CENPO: variants seen among roughly 807,000 people sequenced by gnomAD.
CENPO encodes the protein centromere protein O, also known as centromeric protein O.
A neutral mutation model predicts 36.1 loss-of-function variants in CENPO; 30 were observed. That is an observed-to-expected ratio of 0.83 (90% CI 0.62 to 1.13). CENPO has a LOEUF of 1.13. Among genes scored for constraint, CENPO ranks in the 50% most tolerant of loss-of-function variants. CENPO has a pLI of 0.00. For missense variants in CENPO, 349 were observed against 357.8 expected, an observed-to-expected ratio of 0.98 and a Z score of 0.20; for synonymous variants, 171 against 142.3, an observed-to-expected ratio of 1.20 and a Z score of -1.44.
chr2:24,804,468 T>C (rs1468941532), intron 3 of CENPO, among the ~76,000 whole-genome samples: 1 of 152,150 alleles, frequency 6.6e-6, no homozygotes, highest in Non-Finnish European at 1.5e-5. Context: ...CTGGTACCGG[T>C]TGTTCCTTTC....
In CENPO at chr2:24,822,314, T is replaced by G. The variant is rs1265803659; in HGVS notation, c.*2996T>G. On this transcript the variant is annotated 3_prime_UTR_variant, in exon 8 of 8. Coordinates refer to ENST00000380834, the MANE Select transcript of CENPO (RefSeq NM_001322101.2). ...GCCTGAGCTGTGAACAGCAGGGGGT[T>G]GTGTGTCTGTTCTGTTTCTCTGCTT... The G allele has an allele frequency of 2.9e-6, 2 of 693,870 alleles. No homozygotes were observed. Among genetic ancestry groups the G allele is most frequent in the Non-Finnish European group, 4.6e-6 (2 of 430,358 alleles). The allele number at this position is 693,870 out of a possible 1,614,324, so 43.0% of individuals were successfully genotyped here.
chr2:24,797,317 T>C (rs1412555042), intron 2 of CENPO, among the ~76,000 whole-genome samples: 1 of 152,198 alleles, frequency 6.6e-6, no homozygotes, highest in Non-Finnish European at 1.5e-5. Flanking sequence ...ATGAATTCAG[T>C]CTTGGACATG....
At chr2:24,798,697 T>C (rs1358001598) in intron 2 of CENPO, among the ~76,000 whole-genome samples, 1 of 152,112 alleles carries the variant, frequency 6.6e-6, no homozygotes, top group Non-Finnish European at 1.5e-5. Context: ...CCCGACCTCG[T>C]GATCCACCCG....
chr2:24,800,388 C>G (rs2148257187), intron 3 of CENPO, among the ~76,000 whole-genome samples: 1 of 152,238 alleles, frequency 6.6e-6, no homozygotes, highest in South Asian at 2.1e-4. Flanking sequence ...AGGTTTGTTA[C>G]ATATGTATAC....
At chr2:24,794,595 G>A (rs926892434) in intron 2 of CENPO, among the ~76,000 whole-genome samples, 1 of 152,194 alleles carries the variant, frequency 6.6e-6, no homozygotes, top group Non-Finnish European at 1.5e-5. Flanking sequence ...TGTAGAAGGT[G>A]TTTAAAGAAT....
In CENPO at chr2:24,820,155, G is replaced by C. The variant is rs545715233; in HGVS notation, c.*837G>C. 20 of 1,297,422 alleles carry C rather than the reference G, an allele frequency of 1.5e-5. No homozygotes were observed. Among genetic ancestry groups the C allele is most frequent in the Admixed American group, 2.3e-5 (1 of 43,272 alleles). 80.4% of individuals were successfully genotyped at this position (1,297,422 alleles called of 1,614,324 possible). A position where few individuals can be genotyped will look rare whatever the true frequency, so the allele number is the denominator to read the frequency against. ...GAGCAAGAACGTGGCGTTACGGGGG[G>C]AGCCTAGACTGAGGGCGGGTGGGGG... On this transcript the variant is annotated 3_prime_UTR_variant, in exon 8 of 8. Coordinates refer to ENST00000380834, the MANE Select transcript of CENPO (RefSeq NM_001322101.2).
At chr2:24,807,436 G>A (rs1666470738) in intron 3 of CENPO, among the ~76,000 whole-genome samples, 1 of 152,166 alleles carries the variant, frequency 6.6e-6, no homozygotes, top group African/African-American at 2.4e-5. Flanking sequence ...TGTTCTGACT[G>A]TGAGATTCAC....
At position 24,820,557 on chromosome 2, in the gene CENPO, T is replaced by G. The variant is rs934857106; in HGVS notation, c.*1239T>G. 4.2e-5 allele frequency: 60 copies of G among 1,416,012 alleles called. No homozygotes were observed. Among genetic ancestry groups the G allele is most frequent in the Non-Finnish European group, 5.5e-5 (59 of 1,071,672 alleles). 87.7% of individuals were successfully genotyped at this position (1,416,012 alleles called of 1,614,324 possible). On this transcript the variant is annotated 3_prime_UTR_variant, in exon 8 of 8. Transcript: ENST00000380834. Reference sequence around the variant, plus strand: ...GGATGGGTGGAAGTGTTTCTTCCTGTGCTGAGGCTAGCTATTGCAGAGATT... The same window carrying G: ...GGATGGGTGGAAGTGTTTCTTCCTGGGCTGAGGCTAGCTATTGCAGAGATT...
chr2:24,799,573 TAA>T (rs34475213), intron 2 of CENPO, 100 bp from the exon 3 acceptor site: 67,437 of 686,366 alleles, frequency 0.098, no homozygotes, highest in East Asian at 0.19. Context: ...AAAGTTCTGG[TAA>T]AAAAAAAAAA....
At chr2:24,814,908 G>T (rs948871616) in intron 4 of CENPO, 18 of 173,384 alleles carry the variant, frequency 1.0e-4, no homozygotes, top group Admixed American at 3.4e-4. Context: ...GGAAGAACTG[G>T]GGACTCTGAC....
chr2:24,797,402 A>G (rs1039311652), intron 2 of CENPO, among the ~76,000 whole-genome samples: 12 of 152,216 alleles, frequency 7.9e-5, no homozygotes, highest in African/African-American at 2.9e-4. Context: ...TTTCTCAAGA[A>G]GCAGGAGAGA....
rs548601022 is a variant in CENPO, at chr2:24,811,191, G to A, written c.217-3185G>A. On this transcript the variant is annotated intron_variant, in intron 3 of 7. Transcript: ENST00000380834. ...AACTCCTGGCCTCAAGTGATCTGCC[G>A]GTCCTGGCCTGCCAAAGTGCTGGGA... Among the ~76,000 whole-genome samples, 9 of 151,946 alleles carry A rather than the reference G, an allele frequency of 5.9e-5. No individual in the cohort carries two copies. In the South Asian group the frequency reaches 1.0e-3, roughly 18 times the overall value.
Position 24,815,521 on chromosome 2 carries a change from G to A in CENPO, c.359G>A (p.Arg120Gln), listed in dbSNP as rs145335606. 7.4e-6 allele frequency: 12 copies of A among 1,613,990 alleles called. No individual in the cohort carries two copies. The highest frequency in any genetic ancestry group is 2.2e-5 in the East Asian group (1 of 44,884). ...GGCCTCAGTGGTAAACTGACCAGCC[G>A]AGGAGTTTGTGTCTGCATCAGTACT... ...FTGLSGKLTS[R>Q]GVCVCISTAF... The change falls in exon 5 of 8, where the codon CGA becomes CAA. Residue 120 changes from arginine to glutamine, a missense_variant. Coordinates refer to ENST00000380834, the MANE Select transcript of CENPO (RefSeq NM_001322101.2).
chr2:24,815,778 T>C, intron 5 of CENPO, 22 bp downstream of exon 5: 1 of 1,610,630 alleles, frequency 6.2e-7, no homozygotes, highest in Non-Finnish European at 8.5e-7. Flanking sequence ...GGATGTTATA[T>C]GCCTCATCCG....
rs1239451862 is a variant in CENPO, at chr2:24,816,794, C to T, written c.743C>T (p.Thr248Ile). The change falls in exon 6 of 8, where the codon ACT (threonine) becomes ATT (isoleucine). Residue 248 changes from threonine (T) to isoleucine (I), a missense_variant. By Grantham distance (89) the Thr-to-Ile change is moderately conservative (BLOSUM62 -1). Transcript: ENST00000380834. ...LYKDLTATLP[T>I]DVTVTCQGVE... ...AAGGACCTCACAGCAACTCTTCCCACTGACGTCACCGTGACATGTCAAGGT... is the reference window on the plus strand; with the variant it reads ...AAGGACCTCACAGCAACTCTTCCCATTGACGTCACCGTGACATGTCAAGGT... The T allele has an allele frequency of 2.4e-5, 39 of 1,604,726 alleles. No individual in the cohort carries two copies. The highest frequency in any genetic ancestry group is 3.2e-5 in the Non-Finnish European group (38 of 1,175,808).
intron 4 of CENPO, 125 bp from the exon 5 acceptor site, chr2:24,815,372 C>CA: frequency 1.4e-6 from 1 of 737,520 alleles, no homozygotes. Context: ...CTATGATACT[C>CA]ATTGAACAAA....
intron 4 of CENPO, 53 bp from the exon 5 acceptor site, chr2:24,815,444 T>G: frequency 6.0e-6 from 9 of 1,510,610 alleles, no homozygotes; most frequent in Non-Finnish European, 8.3e-6. Context: ...CACAGATGAG[T>G]AAGACATCAC....
chr2:24,806,306 A>G (rs1360069183), intron 3 of CENPO, among the ~76,000 whole-genome samples: 2 of 151,980 alleles, frequency 1.3e-5, no homozygotes, highest in Non-Finnish European at 2.9e-5. Flanking sequence ...TTTGGCTCAC[A>G]CTCGGTGTGC....
rs556248650 is a variant in CENPO, at chr2:24,820,835, G to C, written c.*1517G>C. 6.2e-7 allele frequency: 1 copy of C among 1,613,918 alleles called. No homozygotes were observed. Among genetic ancestry groups the C allele is most frequent in the Non-Finnish European group, 8.5e-7 (1 of 1,179,934 alleles). On this transcript the variant is annotated 3_prime_UTR_variant, in exon 8 of 8. Transcript: ENST00000380834. ...CTCCGATGACCCCAGCCAGAACCCC[G>C]CCTTTGTTCATGCCTAGGGTAGAGG...
Sources: gnomAD v4.1 joint callset for allele counts (sites outside exome capture counted in the v4.1 genomes callset) on GRCh38, gnomAD v4.1.1 for gene constraint, MANE v1.5 for transcripts, NCBI Gene and HGNC (gene_info 2026-07-23, HGNC 2026-07-21) for gene names.